Variants in CDH6 observed in about 807,000 individuals in gnomAD.
CDH6 encodes cadherin-6.
A neutral mutation model predicts 78.0 loss-of-function variants in CDH6; 31 were observed. The ratio of observed to expected loss-of-function variants is 0.40; its 90% CI spans 0.30 to 0.54. CDH6 has a LOEUF of 0.54. Among genes scored for constraint, CDH6 ranks in the 20% least tolerant of loss-of-function variants. The pLI, the probability that CDH6 is intolerant of heterozygous loss-of-function variation, is 0.56. For missense variants in CDH6, 724 were observed against 975.9 expected, an observed-to-expected ratio of 0.74 and a Z score of 3.44; for synonymous variants, 376 against 368.8, an observed-to-expected ratio of 1.02 and a Z score of -0.23.
At chr5:31,283,047 A>G (rs1365114724) in intron 2 of CDH6, among the ~76,000 whole-genome samples, 4 of 152,220 alleles carry the variant, frequency 2.6e-5, no homozygotes, top group Admixed American at 6.5e-5. Flanking sequence ...AGACAGACAG[A>G]CAGATTTAAG....
intron 1 of CDH6, among the ~76,000 whole-genome samples, chr5:31,265,351 G>A (rs1742311804): frequency 6.6e-6 from 1 of 152,136 alleles, no homozygotes; most frequent in African/African-American, 2.4e-5. Flanking sequence ...TTCCAGTATG[G>A]CTAATTGTCG....
intron 1 of CDH6, among the ~76,000 whole-genome samples, chr5:31,254,705 T>C (rs1418100779): frequency 2.6e-5 from 4 of 152,248 alleles, no homozygotes; most frequent in African/African-American, 9.6e-5. Context: ...TGATAATTAG[T>C]GCGATGTGCG....
At chr5:31,251,929 A>G (rs1741920362) in intron 1 of CDH6, 1 of 152,232 alleles carries the variant, frequency 6.6e-6, no homozygotes, top group African/African-American at 2.4e-5. Flanking sequence ...ATTCCAGGCC[A>G]AGCAAAATAA....
chr5:31,207,892 A>G (rs1270254669), intron 1 of CDH6, among the ~76,000 whole-genome samples: 4 of 152,206 alleles, frequency 2.6e-5, no homozygotes, highest in African/African-American at 4.8e-5. Flanking sequence ...TATTCCCGAG[A>G]TGACCTTGGT....
chr5:31,267,744 TGAA>T, intron 2 of CDH6, 43 bp downstream of exon 2: 3 of 1,400,970 alleles, frequency 2.1e-6, no homozygotes, highest in Non-Finnish European at 2.0e-6. Context: ...GTTTAAAGCC[TGAA>T]GAAGTTACTT....
At chr5:31,212,693 G>A (rs190957331) in intron 1 of CDH6, among the ~76,000 whole-genome samples, 2 of 152,006 alleles carry the variant, frequency 1.3e-5, no homozygotes, top group African/African-American at 2.4e-5. Flanking sequence ...TTGTCCACGG[G>A]GTAACGACTG....
At chr5:31,203,426 T>C (rs867906134) in intron 1 of CDH6, among the ~76,000 whole-genome samples, 1,447 of 114,322 alleles carry the variant, frequency 0.013, 30 homozygotes, top group African/African-American at 0.047. Context: ...GTCCCCAGAG[T>C]GTGATATTCC....
At position 31,325,481 on chromosome 5, in the gene CDH6, C is replaced by T. The variant is rs528976485; in HGVS notation, c.*2173C>T. ...ACTTACTCATAGCAATAGAACAGCACCTTAATCACACGATTTACTGTAAAA... is the reference window on the plus strand; with the variant it reads ...ACTTACTCATAGCAATAGAACAGCATCTTAATCACACGATTTACTGTAAAA... On this transcript the variant is annotated 3_prime_UTR_variant, in exon 12 of 12. Coordinates refer to ENST00000265071, the MANE Select transcript of CDH6 (RefSeq NM_004932.4). The T allele has an allele frequency of 2.8e-4, 64 of 231,286 alleles. No individual in the cohort carries two copies. Among genetic ancestry groups the T allele is most frequent in the Middle Eastern group, 1.3e-3 (1 of 776 alleles). The allele number at this position is 231,286 out of a possible 1,614,324, so 14.3% of individuals were successfully genotyped here. A position where few individuals can be genotyped will look rare whatever the true frequency, so the allele number is the denominator to read the frequency against.
chr5:31,235,380 G>A (rs4286694), intron 1 of CDH6, among the ~76,000 whole-genome samples: 1 of 151,488 alleles, frequency 6.6e-6, no homozygotes, highest in Admixed American at 6.6e-5. Context: ...GTGTCCATAA[G>A]AAAATGTTGT....
chr5:31,240,330 C>T (rs1741564688), intron 1 of CDH6, among the ~76,000 whole-genome samples: 1 of 152,124 alleles, frequency 6.6e-6, no homozygotes, highest in Non-Finnish European at 1.5e-5. Context: ...GAAATGCTAA[C>T]TTTAGGTATT....
intron 1 of CDH6, among the ~76,000 whole-genome samples, chr5:31,197,984 A>G (rs943321272): frequency 1.4e-4 from 22 of 152,318 alleles, no homozygotes; most frequent in Admixed American, 2.0e-4. Flanking sequence ...CCAAATGTGT[A>G]TAGTGTTTGT....
chr5:31,302,956 AAGG>A lies in CDH6; in HGVS notation c.999+660_999+662del, dbSNP rs1428165759. On this transcript the variant is annotated intron_variant, in intron 6 of 11. Coordinates refer to ENST00000265071, the MANE Select transcript of CDH6 (RefSeq NM_004932.4). ...GAAAGAAAGAAAGAAAGAAAGAAAG[AAGG>A]AAAGAAAAGAAAGAAAGAAAGAAAG... 3.5e-3 allele frequency among the ~76,000 whole-genome samples: 432 copies of A among 124,750 alleles called. 3 individuals are homozygous for A. Among genetic ancestry groups the A allele is most frequent in the Non-Finnish European group, 5.8e-3 (318 of 55,260 alleles). 81.8% of individuals were successfully genotyped at this position (124,750 alleles called of 152,430 possible).
chr5:31,200,595 CA>C (rs1561194055), intron 1 of CDH6, among the ~76,000 whole-genome samples: 4 of 150,256 alleles, frequency 2.7e-5, no homozygotes, highest in Non-Finnish European at 5.9e-5. Context: ...CACACACACA[CA>C]CATATACACA....
intron 2 of CDH6, among the ~76,000 whole-genome samples, chr5:31,288,643 G>GT (rs1228560694): frequency 1.3e-5 from 2 of 152,184 alleles, no homozygotes; most frequent in Non-Finnish European, 2.9e-5. Context: ...CTAATTTAAA[G>GT]TAACATTCCA....
chr5:31,317,516 T>C, intron 10 of CDH6, 24 bp downstream of exon 10: 1 of 1,531,094 alleles, frequency 6.5e-7, no homozygotes, highest in Non-Finnish European at 9.0e-7. Context: ...AGTTACCTTC[T>C]CTATCTATCT....
intron 1 of CDH6, among the ~76,000 whole-genome samples, chr5:31,252,200 G>A (rs1003301094): frequency 6.6e-6 from 1 of 152,122 alleles, no homozygotes; most frequent in Non-Finnish European, 1.5e-5. Context: ...TTATAACCAT[G>A]GATACCTGGT....
At chr5:31,197,146 C>T (rs757988549) in intron 1 of CDH6, among the ~76,000 whole-genome samples, 2 of 152,144 alleles carry the variant, frequency 1.3e-5, no homozygotes, top group Non-Finnish European at 2.9e-5. Flanking sequence ...CATCCTTACT[C>T]CAGGTTTTTT....
At chr5:31,232,049 T>C (rs1355565138) in intron 1 of CDH6, among the ~76,000 whole-genome samples, 1 of 152,230 alleles carries the variant, frequency 6.6e-6, no homozygotes, top group Non-Finnish European at 1.5e-5. Context: ...CAAGTGACTG[T>C]TTCAGACTTC....
At chr5:31,309,713 A>C (rs1738091065) in intron 7 of CDH6, among the ~76,000 whole-genome samples, 1 of 150,780 alleles carries the variant, frequency 6.6e-6, no homozygotes, top group Non-Finnish European at 1.5e-5. Context: ...TCCCATTTCC[A>C]CAGGCTGTAC....
Sources: allele counts gnomAD v4.1 joint callset (sites outside exome capture counted in the v4.1 genomes callset), GRCh38; gene constraint gnomAD v4.1.1; transcripts MANE v1.5; gene names NCBI Gene and HGNC (gene_info 2026-07-23, HGNC 2026-07-21).